Variants in HSD17B12 observed in about 807,000 individuals in gnomAD.
The protein encoded by HSD17B12 is very-long-chain 3-oxoacyl-CoA reductase.
A neutral mutation model predicts 39.3 loss-of-function variants in HSD17B12; 32 were observed. That is an observed-to-expected ratio of 0.81 (90% CI 0.61 to 1.09). HSD17B12 has a LOEUF of 1.09. HSD17B12 is among the 50% of genes least tolerant of loss of function. The pLI, the probability that HSD17B12 is intolerant of heterozygous loss-of-function variation, is 0.00. For missense variants in HSD17B12, 342 were observed against 382.9 expected, an observed-to-expected ratio of 0.89 and a Z score of 0.89; for synonymous variants, 150 against 146.7, an observed-to-expected ratio of 1.02 and a Z score of -0.16.
the HSD17B12 span, among the ~76,000 whole-genome samples, chr11:43,661,634 G>A: frequency 2.6e-5 from 4 of 152,082 alleles, no homozygotes; most frequent in Admixed American, 1.3e-4. Flanking sequence ...ACAACATAGT[G>A]AGACCCCATT....
At chr11:43,671,558 T>C in the HSD17B12 span, among the ~76,000 whole-genome samples, 5 of 152,314 alleles carry the variant, frequency 3.3e-5, no homozygotes, top group East Asian at 5.8e-4. Context: ...CTGAGTAAGA[T>C]TGATGGAACA....
the HSD17B12 span, among the ~76,000 whole-genome samples, chr11:43,602,662 A>T: frequency 6.6e-5 from 10 of 152,228 alleles, no homozygotes; most frequent in African/African-American, 2.2e-4. Flanking sequence ...TTTGAAAGGG[A>T]TTTATGCTAT....
the HSD17B12 span, among the ~76,000 whole-genome samples, chr11:43,659,384 C>T: frequency 2.0e-5 from 3 of 152,190 alleles, no homozygotes; most frequent in South Asian, 2.1e-4. Context: ...ACGCACAGTG[C>T]ATTGCACCTA....
chr11:43,785,395 C>T (rs764059537), intron 3 of HSD17B12, among the ~76,000 whole-genome samples: 1 of 152,150 alleles, frequency 6.6e-6, no homozygotes, highest in East Asian at 1.9e-4. Context: ...TACATGAAAA[C>T]TATTAGTCTT....
intron 1 of HSD17B12, among the ~76,000 whole-genome samples, chr11:43,699,556 T>G (rs138874117): frequency 6.6e-6 from 1 of 152,342 alleles, no homozygotes; most frequent in East Asian, 1.9e-4. Context: ...CTCCAAAATA[T>G]GTATATTTGA....
At chr11:43,722,136 C>G (rs6485452) in intron 1 of HSD17B12, among the ~76,000 whole-genome samples, 3,482 of 152,144 alleles carry the variant, frequency 0.023, 132 homozygotes, top group African/African-American at 0.079. Flanking sequence ...ATGGGTGGTC[C>G]CATGGGGAGT....
rs1951309946 is a variant in HSD17B12, at chr11:43,831,451, G to C, written c.536+441G>C. On this transcript the variant is annotated intron_variant, in intron 7 of 10. Transcript: ENST00000278353. This position sits in a 1 kb window ranked among gnomAD's most constrained non-coding sequence, Gnocchi z 4.1. ...TGGGAGAATGGCTGTTATATAAAGT[G>C]ATTATAAGATGTCAAACCAACCCTT... 6.6e-6 allele frequency: 1 copy of C among 152,560 alleles called. No homozygotes were observed. Among genetic ancestry groups the C allele is most frequent in the South Asian group, 2.1e-4 (1 of 4,830 alleles). The allele number at this position is 152,560 out of a possible 1,614,324, so 9.5% of individuals were successfully genotyped here. A position where few individuals can be genotyped will look rare whatever the true frequency, so the allele number is the denominator to read the frequency against.
chr11:43,712,025 C>T (rs1950071425), intron 1 of HSD17B12, among the ~76,000 whole-genome samples: 1 of 152,170 alleles, frequency 6.6e-6, no homozygotes, highest in African/African-American at 2.4e-5. Context: ...GGACATGCCT[C>T]ATTATACCCC....
At chr11:43,850,074 T>A (rs760040579) in intron 9 of HSD17B12, among the ~76,000 whole-genome samples, 6 of 152,234 alleles carry the variant, frequency 3.9e-5, no homozygotes, top group Non-Finnish European at 8.8e-5. Context: ...AAGATTTATA[T>A]GTATTGTTAT....
intron 2 of HSD17B12, among the ~76,000 whole-genome samples, chr11:43,753,497 T>A (rs887032663): frequency 6.8e-6 from 1 of 147,722 alleles, no homozygotes; most frequent in African/African-American, 2.5e-5. Context: ...CAGGTGATCC[T>A]CCCACCTCAG....
At position 43,856,178 on chromosome 11, in the gene HSD17B12, C is replaced by T. The variant is rs1229226253; in HGVS notation, c.*930C>T. 6.6e-6 allele frequency: 1 copy of T among 152,266 alleles called. No individual in the cohort carries two copies. Among genetic ancestry groups the T allele is most frequent in the East Asian group, 1.9e-4 (1 of 5,186 alleles). The allele number at this position is 152,266 out of a possible 1,614,324, so 9.4% of individuals were successfully genotyped here. Reference sequence around the variant, plus strand: ...ATTGATATAATTAGTTTTAATAAAACATGCTGCAACCATGGTATACAACAA... The same window carrying T: ...ATTGATATAATTAGTTTTAATAAAATATGCTGCAACCATGGTATACAACAA... On this transcript the variant is annotated 3_prime_UTR_variant, in exon 11 of 11. Transcript: ENST00000278353.
At chr11:43,768,216 T>TA (rs1590282728) in intron 3 of HSD17B12, among the ~76,000 whole-genome samples, 1 of 152,220 alleles carries the variant, frequency 6.6e-6, no homozygotes, top group African/African-American at 2.4e-5. Flanking sequence ...ATGTCAGAAT[T>TA]ACATCACATC....
chr11:43,574,546 A>G, the HSD17B12 span, among the ~76,000 whole-genome samples: 3 of 152,106 alleles, frequency 2.0e-5, no homozygotes, highest in African/African-American at 7.2e-5. Flanking sequence ...CCCCACCTCC[A>G]TCACTCATCA....
the HSD17B12 span, among the ~76,000 whole-genome samples, chr11:43,630,664 A>G: frequency 6.6e-6 from 1 of 152,128 alleles, no homozygotes; most frequent in Non-Finnish European, 1.5e-5. Context: ...CCTTTTAAGA[A>G]CCTAGCTGGA....
the HSD17B12 span, among the ~76,000 whole-genome samples, chr11:43,567,991 C>T: frequency 6.6e-6 from 1 of 152,186 alleles, no homozygotes; most frequent in African/African-American, 2.4e-5. Context: ...TTGGAAGTGG[C>T]ACTTGATCTC....
the HSD17B12 span, chr11:43,569,944 A>T: frequency 6.6e-6 from 1 of 152,284 alleles, no homozygotes; most frequent in African/African-American, 2.4e-5. Context: ...TCCACCACCA[A>T]CTCAGCTCCT....
chr11:43,590,826 T>C, the HSD17B12 span, among the ~76,000 whole-genome samples: 1 of 150,386 alleles, frequency 6.6e-6, no homozygotes, highest in East Asian at 1.9e-4. Context: ...TTTTTTTTTT[T>C]TTTAAATCTG....
At chr11:43,651,352 T>C in the HSD17B12 span, among the ~76,000 whole-genome samples, 3 of 152,202 alleles carry the variant, frequency 2.0e-5, no homozygotes, top group Non-Finnish European at 4.4e-5. Flanking sequence ...GAAGAGAAGA[T>C]TATAATTCTC....
intron 3 of HSD17B12, among the ~76,000 whole-genome samples, chr11:43,765,371 CT>C (rs111666740): frequency 5.9e-5 from 9 of 152,100 alleles, no homozygotes; most frequent in African/African-American, 1.9e-4. Context: ...TGCATTGTTT[CT>C]GATAAGAAGT....
Sources: gnomAD v4.1 joint callset for allele counts (sites outside exome capture counted in the v4.1 genomes callset) on GRCh38, gnomAD v4.1.1 for gene constraint, Gnocchi (gnomAD v3.1) non-coding constraint, MANE v1.5 for transcripts, NCBI Gene and HGNC (gene_info 2026-07-23, HGNC 2026-07-21) for gene names.